UNC13C: variants seen among roughly 807,000 people sequenced by gnomAD.
UNC13C encodes the protein protein unc-13 homolog C.
A neutral mutation model predicts 245.4 loss-of-function variants in UNC13C; 174 were observed. The ratio of observed to expected loss-of-function variants is 0.71; its 90% CI spans 0.63 to 0.80. The LOEUF is 0.80. Ranked by LOEUF, UNC13C falls within the 30% of genes least tolerant of loss-of-function variation. UNC13C has a pLI of 0.00. For missense variants in UNC13C, 2,829 were observed against 2,602.9 expected, an observed-to-expected ratio of 1.09 and a Z score of -1.89; for synonymous variants, 992 against 895.1, an observed-to-expected ratio of 1.11 and a Z score of -1.93.
At chr15:53,932,589 G>A in the UNC13C span, among the ~76,000 whole-genome samples, 1 of 152,050 alleles carries the variant, frequency 6.6e-6, no homozygotes, top group African/African-American at 2.4e-5. Flanking sequence ...CCTTACCTGG[G>A]CTTCCATGAC....
rs74432989 is a variant in UNC13C at position 54,314,079 on chromosome 15, A to G, written c.4269-7860A>G. On this transcript the variant is annotated intron_variant, in intron 13 of 32. Coordinates refer to ENST00000260323, the MANE Select transcript of UNC13C (RefSeq NM_001080534.3). The stretch of plus-strand genomic sequence containing the variant: ...CTCACTTATATGTGGCATCAAAAAA[A>G]AAAAACAAAACAAAACTGGAATTCA... Among the ~76,000 whole-genome samples, 17 of 141,154 alleles carry G rather than the reference A, an allele frequency of 1.2e-4. 2 individuals are homozygous for G. The South Asian group carries it at 4.0e-3, about 33-fold the overall frequency. 92.6% of individuals were successfully genotyped at this position (141,154 alleles called of 152,430 possible). A position where few individuals can be genotyped will look rare whatever the true frequency, so the allele number is the denominator to read the frequency against.
chr15:54,461,489 T>C (rs1891841832), intron 19 of UNC13C, among the ~76,000 whole-genome samples: 1 of 152,214 alleles, frequency 6.6e-6, no homozygotes, highest in South Asian at 2.1e-4. Flanking sequence ...ATTTTGTTAG[T>C]CTATAATTTG....
the UNC13C span, chr15:53,972,780 C>G: frequency 2.0e-5 from 3 of 151,956 alleles, no homozygotes; most frequent in Non-Finnish European, 2.9e-5. Context: ...CATTTGTACT[C>G]TAGCCTTCAA....
intron 17 of UNC13C, among the ~76,000 whole-genome samples, chr15:54,382,956 T>C (rs1169128051): frequency 6.6e-6 from 1 of 151,982 alleles, no homozygotes; most frequent in East Asian, 1.9e-4. Flanking sequence ...AAGAAATGAA[T>C]AGATTCTTGG....
intron 2 of UNC13C, among the ~76,000 whole-genome samples, chr15:54,121,495 T>C (rs1203588394): frequency 2.0e-5 from 3 of 151,770 alleles, no homozygotes; most frequent in African/African-American, 7.3e-5. Context: ...GTGGTATGCC[T>C]GTGTGTGTGT....
chr15:53,867,679 A>T, the UNC13C span, among the ~76,000 whole-genome samples: 1 of 152,196 alleles, frequency 6.6e-6, no homozygotes, highest in African/African-American at 2.4e-5. Context: ...TAAATCTCCA[A>T]GAATAAACTC....
intron 22 of UNC13C, among the ~76,000 whole-genome samples, chr15:54,506,621 G>A (rs977323579): frequency 5.3e-5 from 8 of 151,988 alleles, no homozygotes; most frequent in Admixed American, 2.0e-4. Flanking sequence ...TCAATTTAGC[G>A]AATTCAGGTT....
chr15:54,196,340 T>C (rs1201584294), intron 4 of UNC13C, among the ~76,000 whole-genome samples: 1 of 149,944 alleles, frequency 6.7e-6, no homozygotes, highest in Non-Finnish European at 1.5e-5. Context: ...TGCAGGCTAC[T>C]GGAGAAAAAA....
chr15:53,887,956 A>G, the UNC13C span, among the ~76,000 whole-genome samples: 1 of 152,102 alleles, frequency 6.6e-6, no homozygotes, highest in Non-Finnish European at 1.5e-5. Flanking sequence ...TCTATCATTG[A>G]TGGACATTTG....
the UNC13C span, among the ~76,000 whole-genome samples, chr15:53,921,686 A>G: frequency 1.3e-5 from 2 of 152,144 alleles, no homozygotes; most frequent in African/African-American, 4.8e-5. Context: ...TCTGGCATGG[A>G]GATAGTGATG....
chr15:53,945,222 T>A, the UNC13C span, among the ~76,000 whole-genome samples: 1 of 152,208 alleles, frequency 6.6e-6, no homozygotes, highest in African/African-American at 2.4e-5. Context: ...TATTTTCTTT[T>A]GCTATGCAGA....
intron 14 of UNC13C, among the ~76,000 whole-genome samples, chr15:54,329,033 A>G (rs957976916): frequency 3.3e-5 from 5 of 150,196 alleles, no homozygotes; most frequent in East Asian, 4.0e-4. Context: ...CTTTGTAGAT[A>G]GTTTGCCAAT....
intron 26 of UNC13C, among the ~76,000 whole-genome samples, chr15:54,543,270 C>T (rs1015066886): frequency 6.6e-6 from 1 of 152,054 alleles, no homozygotes; most frequent in Non-Finnish European, 1.5e-5. Context: ...ACACAACATA[C>T]CAGAATCTCT....
intron 19 of UNC13C, among the ~76,000 whole-genome samples, chr15:54,454,951 T>C (rs1006880206): frequency 6.6e-6 from 1 of 151,754 alleles, no homozygotes; most frequent in Non-Finnish European, 1.5e-5. Context: ...AACTGTAGTC[T>C]TTTATCCCTT....
chr15:54,229,870 T>C (rs1281458152), intron 4 of UNC13C, among the ~76,000 whole-genome samples: 1 of 152,178 alleles, frequency 6.6e-6, no homozygotes, highest in Non-Finnish European at 1.5e-5. Flanking sequence ...ATCAAGATCA[T>C]GTGGTATTTG....
chr15:54,445,274 A>T (rs1251601005), intron 19 of UNC13C, among the ~76,000 whole-genome samples: 1 of 152,116 alleles, frequency 6.6e-6, no homozygotes, highest in Non-Finnish European at 1.5e-5. Context: ...CGCAATAAAC[A>T]TACATGTGCA....
At chr15:54,575,372 A>T (rs535019393) in intron 30 of UNC13C, among the ~76,000 whole-genome samples, 8 of 152,224 alleles carry the variant, frequency 5.3e-5, no homozygotes, top group Non-Finnish European at 8.8e-5. Context: ...ATTTGGAAGC[A>T]TCTCACACAT....
At chr15:54,062,057 C>A (rs568869600) in intron 2 of UNC13C, among the ~76,000 whole-genome samples, 1 of 152,174 alleles carries the variant, frequency 6.6e-6, no homozygotes, top group African/African-American at 2.4e-5. Context: ...TGGTGGCTCA[C>A]ACCTGTAATC....
chr15:53,971,087 C>T, the UNC13C span, among the ~76,000 whole-genome samples: 417 of 152,134 alleles, frequency 2.7e-3, 3 homozygotes, highest in East Asian at 0.016. Context: ...GGTTTTGATA[C>T]GCATTTCTCT....
Sources: gnomAD v4.1 joint callset for allele counts (sites outside exome capture counted in the v4.1 genomes callset) on GRCh38, gnomAD v4.1.1 for gene constraint, MANE v1.5 for transcripts, NCBI Gene and HGNC (gene_info 2026-07-23, HGNC 2026-07-21) for gene names.